The following ZNF337 variants were observed in gnomAD, a reference collection of about 807,000 sequenced individuals.
ZNF337 encodes the protein zinc finger protein 337.
ZNF337 carries 8 observed loss-of-function variants against 12.1 expected under a neutral mutation model. The observed-to-expected ratio is 0.66, with a 90% CI of 0.39 to 1.19. The LOEUF is 1.19. ZNF337 is among the 50% of genes most tolerant of loss of function. ZNF337 has a pLI of 0.01. For synonymous variants in ZNF337, 336 were observed against 320.0 expected (o/e 1.05, Z -0.53); for missense variants, 882 against 896.6 (o/e 0.98, Z 0.21).
rs149665017 is a variant in ZNF337, at chr20:25,675,977, A to C, written c.1311T>G (p.Cys437Trp). The change falls in exon 5 of 5, where the codon TGT (cysteine) becomes TGG (tryptophan). Residue 437 changes from cysteine (C) to tryptophan (W), a missense_variant. Cys to Trp is a radical substitution (Grantham distance 215). Coordinates refer to ENST00000252979, the MANE Select transcript of ZNF337 (RefSeq NM_015655.4). Reference protein sequence around the residue: ...SGEKPFVCRECGQGFIQKSTL... With the variant: ...SGEKPFVCREWGQGFIQKSTL... ...TTGACTTCTGAATAAATCCTTGCCC[A>C]CATTCTCTACAAACAAAAGGTTTCT... 43 of 1,613,516 alleles carry C rather than the reference A, an allele frequency of 2.7e-5. 1 individual carries two copies. Among genetic ancestry groups the C allele is most frequent in the Non-Finnish European group, 7.6e-6 (9 of 1,179,638 alleles).
chr20:25,689,362 T>C (rs1014142576), intron 1 of ZNF337, among the ~76,000 whole-genome samples: 5 of 152,214 alleles, frequency 3.3e-5, no homozygotes, highest in Non-Finnish European at 5.9e-5. Flanking sequence ...CACTCTATCC[T>C]CGGTTTTTTG....
At position 25,674,726 on chromosome 20, in the gene ZNF337, T is replaced by A. The variant is rs987138682; in HGVS notation, c.*306A>T. ...CTCTGCAGTCACTGGCTAAGAGCAG[T>A]CCTTAGAAAGCACAGCCTGGCACAA... On this transcript the variant is annotated 3_prime_UTR_variant, in exon 5 of 5. Coordinates refer to ENST00000252979, the MANE Select transcript of ZNF337 (RefSeq NM_015655.4). The A allele has an allele frequency of 2.7e-6, 1 of 371,308 alleles. No individual in the cohort carries two copies. The highest frequency in any genetic ancestry group is 2.0e-5 in the African/African-American group (1 of 48,798). The allele number at this position is 371,308 out of a possible 1,614,324, so 23.0% of individuals were successfully genotyped here.
At chr20:25,694,257 C>T (rs994657712) in intron 1 of ZNF337, among the ~76,000 whole-genome samples, 4 of 152,128 alleles carry the variant, frequency 2.6e-5, no homozygotes, top group Non-Finnish European at 5.9e-5. Context: ...GATGAGGAAA[C>T]AGGCACAAAA....
chr20:25,687,738 A>G (rs796812799), intron 1 of ZNF337, among the ~76,000 whole-genome samples: 23 of 152,386 alleles, frequency 1.5e-4, no homozygotes, highest in African/African-American at 3.4e-4. Flanking sequence ...TAGCTACTCT[A>G]TGCACACCGT....
intron 1 of ZNF337, among the ~76,000 whole-genome samples, chr20:25,689,104 TC>T (rs1046814487): frequency 2.8e-5 from 4 of 140,466 alleles, no homozygotes; most frequent in African/African-American, 1.1e-4. Flanking sequence ...GCCACTGCGC[TC>T]CAGCCTGAGC....
At position 25,675,744 on chromosome 20, in the gene ZNF337, C is replaced by A. The variant is rs1240531326; in HGVS notation, c.1544G>T (p.Arg515Leu). ...TCGCCCACAATCCCTGCAGAAAAAACGTTTCTCACCCAAGTGTGCCCTCAG... is the reference window on the plus strand; with the variant it reads ...TCGCCCACAATCCCTGCAGAAAAAAAGTTTCTCACCCAAGTGTGCCCTCAG... ...KHLRAHLGEK[R>L]FFCRDCGRGF... The change falls in exon 5 of 5, where the codon CGT becomes CTT. Residue 515 changes from arginine to leucine, a missense_variant. By Grantham distance (102) the Arg-to-Leu change is moderately radical. Transcript: ENST00000252979. 5 of 1,612,950 alleles carry A rather than the reference C, an allele frequency of 3.1e-6. No homozygotes were observed. Among genetic ancestry groups the A allele is most frequent in the Non-Finnish European group, 4.2e-6 (5 of 1,179,690 alleles).
At chr20:25,686,286 A>C in intron 2 of ZNF337, 105 bp downstream of exon 2, 1 of 1,459,716 alleles carries the variant, frequency 6.9e-7, no homozygotes, top group Non-Finnish European at 9.5e-7. Flanking sequence ...ACTCCCCAGG[A>C]GCGGTGCTGG....
At position 25,675,403 on chromosome 20, in the gene ZNF337, C is replaced by T. The variant is rs1197883418; in HGVS notation, c.1885G>A (p.Val629Ile). ...AAGCCTCGCCCACACTCCTTGCATA[C>T]AAAAGGCTGCTTGCCAGAATGTGCA... is the stretch of plus-strand genomic sequence containing the variant. ...QLAHSGKQPF[V>I]CKECGRGFNW... The change falls in exon 5 of 5, where the codon GTA becomes ATA. Residue 629 changes from valine (V) to isoleucine (I), a missense_variant. Coordinates refer to ENST00000252979, the MANE Select transcript of ZNF337 (RefSeq NM_015655.4). 7 of 1,610,894 alleles carry T rather than the reference C, an allele frequency of 4.3e-6. No individual in the cohort carries two copies. In the Admixed American group the frequency reaches 1.0e-4, roughly 23 times the overall value.
At chr20:25,695,784 C>T (rs1259931102) in intron 1 of ZNF337, among the ~76,000 whole-genome samples, 1 of 152,126 alleles carries the variant, frequency 6.6e-6, no homozygotes, top group African/African-American at 2.4e-5. Context: ...CTCCTGGCCT[C>T]CCAAAGTGCT....
chr20:25,690,365 T>C (rs1393318443), intron 1 of ZNF337, among the ~76,000 whole-genome samples: 1 of 152,212 alleles, frequency 6.6e-6, no homozygotes, highest in Non-Finnish European at 1.5e-5. Flanking sequence ...TGTCCAAGTG[T>C]TGTCTAATGG....
At chr20:25,686,267 A>G in intron 2 of ZNF337, 124 bp downstream of exon 2, 1 of 1,480,436 alleles carries the variant, frequency 6.8e-7, no homozygotes, top group Non-Finnish European at 9.3e-7. Flanking sequence ...ACGCCAGGAA[A>G]GACAGATCAC....
intron 1 of ZNF337, among the ~76,000 whole-genome samples, chr20:25,691,171 G>A (rs2065879867): frequency 6.6e-6 from 1 of 152,128 alleles, no homozygotes; most frequent in South Asian, 2.1e-4. Flanking sequence ...CGAAAACACA[G>A]TAATTGAAAA....
chr20:25,688,958 T>C (rs2065858978), intron 1 of ZNF337, among the ~76,000 whole-genome samples: 1 of 151,710 alleles, frequency 6.6e-6, no homozygotes, highest in Non-Finnish European at 1.5e-5. Flanking sequence ...GTGAAACCCG[T>C]CTCTACTGAA....
chr20:25,682,793 C>A (rs1165748757), intron 4 of ZNF337, among the ~76,000 whole-genome samples: 1 of 151,946 alleles, frequency 6.6e-6, no homozygotes, highest in Non-Finnish European at 1.5e-5. Flanking sequence ...CAAGATCGCG[C>A]CATTGCACTC....
At chr20:25,696,217 C>T (rs1000946526) in intron 1 of ZNF337, among the ~76,000 whole-genome samples, 4 of 151,970 alleles carry the variant, frequency 2.6e-5, no homozygotes, top group Non-Finnish European at 4.4e-5. Flanking sequence ...GGCCCTTCCC[C>T]AAAACACGCG....
Position 25,674,742 on chromosome 20 carries a change from C to T in ZNF337, c.*290G>A. 1 of 420,078 alleles carries T rather than the reference C, an allele frequency of 2.4e-6. No homozygotes were observed. The highest frequency in any genetic ancestry group is 4.3e-6 in the Non-Finnish European group (1 of 231,554). The allele number at this position is 420,078 out of a possible 1,614,324, so 26.0% of individuals were successfully genotyped here. On this transcript the variant is annotated 3_prime_UTR_variant, in exon 5 of 5. Coordinates refer to ENST00000252979, the MANE Select transcript of ZNF337 (RefSeq NM_015655.4). ...TAAGAGCAGTCCTTAGAAAGCACAG[C>T]CTGGCACAAATACAACAAGAATATG...
intron 1 of ZNF337, among the ~76,000 whole-genome samples, chr20:25,689,089 A>T (rs2065860802): frequency 6.7e-6 from 1 of 150,212 alleles, no homozygotes; most frequent in South Asian, 2.1e-4. Context: ...GTGAGCCGAG[A>T]TCGCGCCACT....
At chr20:25,689,278 T>C (rs1049079522) in intron 1 of ZNF337, among the ~76,000 whole-genome samples, 2 of 152,116 alleles carry the variant, frequency 1.3e-5, no homozygotes, top group Non-Finnish European at 2.9e-5. Flanking sequence ...CACTCCAGCC[T>C]GGGCAACAGA....
In ZNF337 at chr20:25,686,476, G is replaced by A. The variant is rs2065834917; in HGVS notation, c.-49-10C>T. On this transcript the variant is annotated splice_polypyrimidine_tract_variant and intron_variant, in intron 1 of 4. Transcript: ENST00000252979. Reference sequence around the variant, plus strand: ...CTTGCAGATGGCCAATCTGTGGGAGGAGAGAAGTCAGAGGGTGGCTGGGTG... The same window carrying A: ...CTTGCAGATGGCCAATCTGTGGGAGAAGAGAAGTCAGAGGGTGGCTGGGTG... 6.2e-7 allele frequency: 1 copy of A among 1,607,500 alleles called. No individual in the cohort carries two copies. Among genetic ancestry groups the A allele is most frequent in the Non-Finnish European group, 8.5e-7 (1 of 1,176,806 alleles).
Sources: gnomAD v4.1 joint callset for allele counts (sites outside exome capture counted in the v4.1 genomes callset) on GRCh38, gnomAD v4.1.1 for gene constraint, MANE v1.5 for transcripts, NCBI Gene and HGNC (gene_info 2026-07-23, HGNC 2026-07-21) for gene names.